NFIX: variants seen among roughly 807,000 people sequenced by gnomAD.
NFIX encodes nuclear factor 1 X-type.
In NFIX, 2 loss-of-function variants were observed where a neutral mutation model predicts 53.3. The ratio of observed to expected loss-of-function variants is 0.04; its 90% confidence interval spans 0.02 to 0.12. The LOEUF is 0.12. Ranked by LOEUF, NFIX falls within the 10% of genes least tolerant of loss-of-function variation. NFIX has a pLI of 1.00. For missense variants in NFIX, 310 were observed against 674.5 expected (o/e 0.46, Z 5.99); for synonymous variants, 244 against 289.0 (o/e 0.84, Z 1.58).
Position 13,094,785 on chromosome 19 carries a change from T to C in NFIX, c.*136T>C. 1 of 898,070 alleles carries C rather than the reference T, an allele frequency of 1.1e-6. No individual in the cohort carries two copies. The highest frequency in any genetic ancestry group is 1.7e-6 in the Non-Finnish European group (1 of 588,762). The allele number at this position is 898,070 out of a possible 1,614,324, so 55.6% of individuals were successfully genotyped here. Reference sequence around the variant, plus strand: ...GCAAAAATTACACGTCGTCAGCCACTCAGCCCTTCTCTCCTCCAGCCCGGG... The same window carrying C: ...GCAAAAATTACACGTCGTCAGCCACCCAGCCCTTCTCTCCTCCAGCCCGGG... On this transcript the variant is annotated 3_prime_UTR_variant, in exon 11 of 11. Coordinates refer to ENST00000592199, the MANE Select transcript of NFIX (RefSeq NM_001365902.3). This position sits in a 1 kb window ranked among gnomAD's most constrained non-coding sequence, Gnocchi z 4.3.
In NFIX at chr19:13,094,230, A is replaced by G. The variant is rs958244153; in HGVS notation, c.1495-405A>G. 6.6e-6 allele frequency among the ~76,000 whole-genome samples: 1 copy of G among 152,202 alleles called. No homozygotes were observed. The highest frequency in any genetic ancestry group is 1.5e-5 in the Non-Finnish European group (1 of 68,030). On this transcript the variant is annotated intron_variant, in intron 10 of 10. Transcript: ENST00000592199. This position sits in a 1 kb window ranked among gnomAD's most constrained non-coding sequence, Gnocchi z 4.3. Reference sequence around the variant, plus strand: ...CTCAGCAAGAAGCTGGGCCACCCCCAACCCATTCCTAAAACCCCTCTGGGT... The same window carrying G: ...CTCAGCAAGAAGCTGGGCCACCCCCGACCCATTCCTAAAACCCCTCTGGGT...
At chr19:13,082,967 C>G (rs930294503) in intron 8 of NFIX, among the ~76,000 whole-genome samples, 1 of 152,184 alleles carries the variant, frequency 6.6e-6, no homozygotes, top group Non-Finnish European at 1.5e-5. Context: ...TATTGATTTG[C>G]GGCGGGGCCG....
rs1362017562 is a variant in NFIX, at chr19:12,998,460, C to T, written c.27+2596C>T. The stretch of plus-strand genomic sequence containing the variant: ...AGGTACTGTGGGCGAGGGGGAAGGG[C>T]GGGGGGAAAAATCTCCTTCTAGAAA... On this transcript the variant is annotated intron_variant, in intron 1 of 10. Coordinates refer to ENST00000592199, the MANE Select transcript of NFIX (RefSeq NM_001365902.3). This position sits in a 1 kb window ranked among gnomAD's most constrained non-coding sequence, Gnocchi z 4.4. Among the ~76,000 whole-genome samples, 2 of 147,828 alleles carry T rather than the reference C, an allele frequency of 1.4e-5. No homozygotes were observed. Among genetic ancestry groups the T allele is most frequent in the Non-Finnish European group, 3.0e-5 (2 of 67,088 alleles).
chr19:13,005,768 C>T lies in NFIX; in HGVS notation c.27+9904C>T, dbSNP rs2011980908. 6.6e-6 allele frequency among the ~76,000 whole-genome samples: 1 copy of T among 152,124 alleles called. No individual in the cohort carries two copies. Among genetic ancestry groups the T allele is most frequent in the South Asian group, 2.1e-4 (1 of 4,826 alleles). ...CCCCCACGCCCCCATTTGAAACGTG[C>T]CCTAGTGGTTGGCCCTTGAACCTTT... is the stretch of plus-strand genomic sequence containing the variant. On this transcript the variant is annotated intron_variant, in intron 1 of 10. Coordinates refer to ENST00000592199, the MANE Select transcript of NFIX (RefSeq NM_001365902.3). This position sits in a 1 kb window ranked among gnomAD's most constrained non-coding sequence, Gnocchi z 4.7.
chr19:13,058,520 G>A (rs941294180), intron 2 of NFIX, among the ~76,000 whole-genome samples: 2 of 149,368 alleles, frequency 1.3e-5, no homozygotes, highest in Non-Finnish European at 3.0e-5. Context: ...ATGCACCTGT[G>A]GTCCCAGCTA....
Position 13,073,889 on chromosome 19 carries a change from C to T in NFIX, c.698-17C>T. On this transcript the variant is annotated splice_polypyrimidine_tract_variant and intron_variant, in intron 4 of 10. Coordinates refer to ENST00000592199, the MANE Select transcript of NFIX (RefSeq NM_001365902.3). The surrounding 1 kb of genome is among the most constrained non-coding windows in gnomAD (Gnocchi z 4.5). ...TCCCCCCACCTCCAAACCTCATCAC[C>T]CTCTCGTTCTTCCCAGCTCCTGTTG... The T allele has an allele frequency of 1.2e-6, 2 of 1,613,928 alleles. No individual in the cohort carries two copies. Among genetic ancestry groups the T allele is most frequent in the Non-Finnish European group, 1.7e-6 (2 of 1,179,862 alleles).
At chr19:13,016,058 G>A (rs2012649828) in intron 1 of NFIX, among the ~76,000 whole-genome samples, 1 of 152,102 alleles carries the variant, frequency 6.6e-6, no homozygotes, top group Admixed American at 6.5e-5. Flanking sequence ...ATCTGGGTGG[G>A]GTTACATGGG....
intron 2 of NFIX, among the ~76,000 whole-genome samples, chr19:13,048,022 C>T (rs2015097977): frequency 6.6e-6 from 1 of 152,166 alleles, no homozygotes; most frequent in South Asian, 2.1e-4. Flanking sequence ...TCTCTGAACC[C>T]TATCTCATTT....
At chr19:12,999,828 C>T (rs1247489727) in intron 1 of NFIX, among the ~76,000 whole-genome samples, 3 of 152,248 alleles carry the variant, frequency 2.0e-5, no homozygotes, top group African/African-American at 7.2e-5. Flanking sequence ...AGCTATAGCT[C>T]TCTGTCCCTG....
In NFIX at chr19:13,011,378, G is replaced by A. The variant is rs1173456877; in HGVS notation, c.28-13643G>A. 6.6e-6 allele frequency among the ~76,000 whole-genome samples: 1 copy of A among 152,202 alleles called. No homozygotes were observed. Among genetic ancestry groups the A allele is most frequent in the African/African-American group, 2.4e-5 (1 of 41,446 alleles). ...TTAATGCCCCCCACCACCCCACCTC[G>A]GGAGAAATTTCCACTTGCCCCCGAG... On this transcript the variant is annotated intron_variant, in intron 1 of 10. Transcript: ENST00000592199. This position sits in a 1 kb window ranked among gnomAD's most constrained non-coding sequence, Gnocchi z 6.5.
intron 8 of NFIX, among the ~76,000 whole-genome samples, chr19:13,085,376 C>T (rs2017715052): frequency 6.6e-6 from 1 of 152,192 alleles, no homozygotes. Context: ...AGGCAGAGGC[C>T]GTCCTGTGGT....
rs917643736 is a variant in NFIX at position 12,998,868 on chromosome 19, G to T, written c.27+3004G>T. Among the ~76,000 whole-genome samples, 1 of 152,094 alleles carries T rather than the reference G, an allele frequency of 6.6e-6. No individual in the cohort carries two copies. Among genetic ancestry groups the T allele is most frequent in the Non-Finnish European group, 1.5e-5 (1 of 68,034 alleles). On this transcript the variant is annotated intron_variant, in intron 1 of 10. Transcript: ENST00000592199. This position sits in a 1 kb window ranked among gnomAD's most constrained non-coding sequence, Gnocchi z 4.4. ...CTTAGCGACACAGCAGTACCTCTTT[G>T]ACGCACGTATGGACACAGGAAACTG...
At position 13,011,224 on chromosome 19, in the gene NFIX, C is replaced by A. The variant is rs1367376075; in HGVS notation, c.28-13797C>A. Among the ~76,000 whole-genome samples, 1 of 152,226 alleles carries A rather than the reference C, an allele frequency of 6.6e-6. No individual in the cohort carries two copies. Among genetic ancestry groups the A allele is most frequent in the Non-Finnish European group, 1.5e-5 (1 of 68,044 alleles). ...CAAGGGCCGGACTGCAGCTCCGAATCCCGCAGCCCCAGAAACACAATCGCG... is the reference window on the plus strand; with the variant it reads ...CAAGGGCCGGACTGCAGCTCCGAATACCGCAGCCCCAGAAACACAATCGCG... On this transcript the variant is annotated intron_variant, in intron 1 of 10. Coordinates refer to ENST00000592199, the MANE Select transcript of NFIX (RefSeq NM_001365902.3). This position sits in a 1 kb window ranked among gnomAD's most constrained non-coding sequence, Gnocchi z 6.5.
intron 8 of NFIX, among the ~76,000 whole-genome samples, chr19:13,085,200 C>T (rs1226698294): frequency 6.6e-6 from 1 of 152,172 alleles, no homozygotes; most frequent in Non-Finnish European, 1.5e-5. Context: ...AACTGTACCC[C>T]AGTCAGAGCT....
Position 13,074,039 on chromosome 19 carries a change from G to C in NFIX, c.818+13G>C. 1 of 1,613,646 alleles carries C rather than the reference G, an allele frequency of 6.2e-7. No individual in the cohort carries two copies. The highest frequency in any genetic ancestry group is 8.5e-7 in the Non-Finnish European group (1 of 1,179,636). ...CTCCTTCCACCAGGTAAGCCCAGTG[G>C]CCCTGCCTTTCCATCTTCTCTCCAC... On this transcript the variant is annotated intron_variant, in intron 5 of 10. Transcript: ENST00000592199.
chr19:13,075,780 C>T, intron 6 of NFIX, 109 bp downstream of exon 6: 1 of 1,301,178 alleles, frequency 7.7e-7, no homozygotes, highest in Non-Finnish European at 1.0e-6. Context: ...TGTCGGGGGG[C>T]ATTACCCATC....
In NFIX at chr19:13,036,286, G is replaced by A. The variant is rs62109899; in HGVS notation, c.559+10734G>A. Among the ~76,000 whole-genome samples the A allele has an allele frequency of 0.027, 4,123 of 152,330 alleles. 70 individuals are homozygous for A. The highest frequency in any genetic ancestry group is 0.041 in the Non-Finnish European group (2,803 of 68,028). On this transcript the variant is annotated intron_variant, in intron 2 of 10. Transcript: ENST00000592199. This position sits in a 1 kb window ranked among gnomAD's most constrained non-coding sequence, Gnocchi z 4.7. ...CTTTCTTAAAATGGGGGGATGAAGC[G>A]TCAGTCATGCTTCCAGGATTTATTT...
intron 1 of NFIX, among the ~76,000 whole-genome samples, chr19:13,004,641 G>C (rs780682189): frequency 1.3e-5 from 2 of 152,032 alleles, no homozygotes; most frequent in Non-Finnish European, 2.9e-5. Context: ...ATAGAATTGG[G>C]AGCCCCAAAT....
chr19:13,090,236 G>T lies in NFIX; in HGVS notation c.1403-63G>T, dbSNP rs930703104. On this transcript the variant is annotated intron_variant, in intron 9 of 10. Coordinates refer to ENST00000592199, the MANE Select transcript of NFIX (RefSeq NM_001365902.3). The surrounding 1 kb of genome is among the most constrained non-coding windows in gnomAD (Gnocchi z 6.6). Reference sequence around the variant, plus strand: ...CTCCCTCTCTCAGCAGCCCCGAGGGGCAGTGCCCAGGTGGGCCCCAAGGCC... The same window carrying T: ...CTCCCTCTCTCAGCAGCCCCGAGGGTCAGTGCCCAGGTGGGCCCCAAGGCC... 8.8e-6 allele frequency: 13 copies of T among 1,478,000 alleles called. No individual in the cohort carries two copies. The highest frequency in any genetic ancestry group is 1.2e-5 in the Non-Finnish European group (13 of 1,056,438). The allele number at this position is 1,478,000 out of a possible 1,614,324, so 91.6% of individuals were successfully genotyped here. A position where few individuals can be genotyped will look rare whatever the true frequency, so the allele number is the denominator to read the frequency against.
Sources: allele counts gnomAD v4.1 joint callset (sites outside exome capture counted in the v4.1 genomes callset), GRCh38; gene constraint gnomAD v4.1.1; non-coding constraint Gnocchi (gnomAD v3.1); transcripts MANE v1.5; gene names NCBI Gene and HGNC (gene_info 2026-07-23, HGNC 2026-07-21).